ATXN1: variants seen among roughly 807,000 people sequenced by gnomAD.
ATXN1 encodes the protein ataxin 1.
A neutral mutation model predicts 56.4 loss-of-function variants in ATXN1; 8 were observed. That is an observed-to-expected ratio of 0.14 (90% CI 0.08 to 0.26). ATXN1 has a LOEUF of 0.26. ATXN1 is among the 10% of genes least tolerant of loss of function. The pLI is 1.00. For missense variants in ATXN1, 987 were observed against 1,106.5 expected, an observed-to-expected ratio of 0.89 and a Z score of 1.53; for synonymous variants, 514 against 494.6, an observed-to-expected ratio of 1.04 and a Z score of -0.52.
chr6:16,572,543 G>C (rs538055523), intron 4 of ATXN1, among the ~76,000 whole-genome samples: 1 of 152,182 alleles, frequency 6.6e-6, no homozygotes, highest in South Asian at 2.1e-4. Flanking sequence ...TTGTCATAGA[G>C]ATAAAAAAAT....
chr6:16,616,386 A>G (rs970139826), intron 3 of ATXN1, among the ~76,000 whole-genome samples: 6 of 151,456 alleles, frequency 4.0e-5, no homozygotes, highest in Non-Finnish European at 7.4e-5. Flanking sequence ...CTAAAAATAC[A>G]AAAATTAGCC....
chr6:16,352,028 C>G (rs1285212350), intron 6 of ATXN1, among the ~76,000 whole-genome samples: 1 of 152,158 alleles, frequency 6.6e-6, no homozygotes, highest in African/African-American at 2.4e-5. Flanking sequence ...ATAAATGCAT[C>G]CCTTCAACAT....
intron 4 of ATXN1, among the ~76,000 whole-genome samples, chr6:16,556,019 G>T (rs1762006550): frequency 6.6e-6 from 1 of 152,136 alleles, no homozygotes; most frequent in Non-Finnish European, 1.5e-5. Context: ...CCATCAAAAA[G>T]AATCAACATA....
intron 2 of ATXN1, among the ~76,000 whole-genome samples, chr6:16,708,185 T>C (rs1191708011): frequency 1.3e-5 from 2 of 152,074 alleles, no homozygotes; most frequent in African/African-American, 4.8e-5. Flanking sequence ...CAAAATGGAA[T>C]GTAAGGTTAA....
At chr6:16,564,390 C>G (rs1762176729) in intron 4 of ATXN1, among the ~76,000 whole-genome samples, 1 of 151,938 alleles carries the variant, frequency 6.6e-6, no homozygotes, top group Non-Finnish European at 1.5e-5. Flanking sequence ...TATGTCTACA[C>G]AAAAACTTGG....
In ATXN1 at chr6:16,702,780, C is replaced by G. The variant is rs372224189; in HGVS notation, c.-614-44879G>C. On this transcript the variant is annotated intron_variant, in intron 2 of 7. Transcript: ENST00000436367. ...GAAATGCAAATCAAAACCACAATGA[C>G]ATACCATCTCACACCAGTTAGAATG... Among the ~76,000 whole-genome samples, 455 of 152,272 alleles carry G rather than the reference C, an allele frequency of 3.0e-3. 6 individuals are homozygous for G. Among genetic ancestry groups the G allele is most frequent in the Middle Eastern group, 0.014 (4 of 294 alleles).
intron 6 of ATXN1, among the ~76,000 whole-genome samples, chr6:16,369,125 T>C (rs1761986865): frequency 1.3e-5 from 2 of 152,186 alleles, no homozygotes; most frequent in Admixed American, 1.3e-4. Context: ...CCACAAATCA[T>C]GCACTAGCCA....
Position 16,691,586 on chromosome 6 carries a change from G to A in ATXN1, c.-614-33685C>T, listed in dbSNP as rs548650071. Among the ~76,000 whole-genome samples the A allele has an allele frequency of 2.6e-5, 4 of 152,320 alleles. 1 individual carries two copies. In the East Asian group the frequency reaches 7.7e-4, roughly 29 times the overall value. On this transcript the variant is annotated intron_variant, in intron 2 of 7. Transcript: ENST00000436367. ...TTAGTTAAGCCAGCATAGTTCCTGA[G>A]TTGCAAAGCATATACAGGCTGAAGT... is the stretch of plus-strand genomic sequence containing the variant.
At chr6:16,656,193 G>T (rs917577934) in intron 3 of ATXN1, among the ~76,000 whole-genome samples, 1 of 152,016 alleles carries the variant, frequency 6.6e-6, no homozygotes, top group Non-Finnish European at 1.5e-5. Context: ...GGGACCCCCC[G>T]AGGACCTGGC....
intron 6 of ATXN1, among the ~76,000 whole-genome samples, chr6:16,460,295 C>T (rs1759964774): frequency 6.6e-6 from 1 of 152,152 alleles, no homozygotes; most frequent in African/African-American, 2.4e-5. Flanking sequence ...TCTTGGAGTC[C>T]TTACTCAGAC....
intron 4 of ATXN1, among the ~76,000 whole-genome samples, chr6:16,531,443 C>T (rs966123658): frequency 1.4e-4 from 21 of 152,086 alleles, no homozygotes; most frequent in African/African-American, 4.6e-4. Context: ...GCCAACATGG[C>T]GAAACCCTGT....
At chr6:16,345,252 T>C (rs1327368722) in intron 6 of ATXN1, among the ~76,000 whole-genome samples, 1 of 152,206 alleles carries the variant, frequency 6.6e-6, no homozygotes, top group African/African-American at 2.4e-5. Flanking sequence ...GATTATTAAC[T>C]CCTGTTACTT....
chr6:16,425,002 T>C (rs954058489), intron 6 of ATXN1, among the ~76,000 whole-genome samples: 3 of 152,242 alleles, frequency 2.0e-5, no homozygotes, highest in Non-Finnish European at 2.9e-5. Context: ...CTGGTACCTT[T>C]GCAGACTATT....
intron 3 of ATXN1, among the ~76,000 whole-genome samples, chr6:16,642,945 T>C (rs1365019959): frequency 1.3e-5 from 2 of 152,232 alleles, no homozygotes; most frequent in Non-Finnish European, 2.9e-5. Flanking sequence ...CAATACTTGC[T>C]TTACTGCTGT....
intron 6 of ATXN1, among the ~76,000 whole-genome samples, chr6:16,418,679 G>C (rs1395837335): frequency 6.7e-6 from 1 of 148,480 alleles, no homozygotes; most frequent in Non-Finnish European, 1.5e-5. Flanking sequence ...TTTAGCATTA[G>C]GTATATCTCC....
At chr6:16,605,828 G>A (rs1762994498) in intron 3 of ATXN1, among the ~76,000 whole-genome samples, 1 of 152,074 alleles carries the variant, frequency 6.6e-6, no homozygotes, top group Admixed American at 6.6e-5. Flanking sequence ...ACCGTAAAAT[G>A]GCCAAGATAA....
chr6:16,724,996 A>G (rs955052177), intron 2 of ATXN1, among the ~76,000 whole-genome samples: 25 of 152,330 alleles, frequency 1.6e-4, no homozygotes, highest in African/African-American at 6.0e-4. Flanking sequence ...TTTCCCAGAG[A>G]AACACAACTT....
Position 16,431,697 on chromosome 6 carries a change from C to CTAAG in ATXN1, c.-161+54271_-161+54274dup, listed in dbSNP as rs1759287258. Among the ~76,000 whole-genome samples the CTAAG allele has an allele frequency of 2.0e-5, 3 of 152,298 alleles. No homozygotes were observed. The South Asian group carries it at 6.2e-4, about 32-fold the overall frequency. ...ATCACCCCCATTTACGGGCAAGAAA[C>CTAAG]TAAGGCAGGGAGAACTGCCAGAGTT... On this transcript the variant is annotated intron_variant, in intron 6 of 7. Coordinates refer to ENST00000436367, the MANE Select transcript of ATXN1 (RefSeq NM_001128164.2).
At chr6:16,447,531 ATTT>A (rs752448202) in intron 6 of ATXN1, among the ~76,000 whole-genome samples, 1 of 152,096 alleles carries the variant, frequency 6.6e-6, no homozygotes, top group Admixed American at 6.5e-5. Context: ...GCCTATTTTT[ATTT>A]TTTATCAAGG....
Sources: gnomAD v4.1 joint callset for allele counts (sites outside exome capture counted in the v4.1 genomes callset) on GRCh38, gnomAD v4.1.1 for gene constraint, MANE v1.5 for transcripts, NCBI Gene and HGNC (gene_info 2026-07-23, HGNC 2026-07-21) for gene names.